The following ANKS1B variants were observed in gnomAD, a reference collection of about 807,000 sequenced individuals.
The protein encoded by ANKS1B is ankyrin repeat and sterile alpha motif domain-containing protein 1B.
Under a neutral mutation model 148.3 loss-of-function variants are expected in ANKS1B, and 36 were observed. That is an observed-to-expected ratio of 0.24 (90% confidence interval 0.19 to 0.32). ANKS1B has a LOEUF of 0.32. Ranked by LOEUF, ANKS1B falls within the 10% of genes least tolerant of loss-of-function variation. The pLI is 1.00. For missense variants in ANKS1B, 1,157 were observed against 1,542.6 expected (o/e 0.75, Z 4.19); for synonymous variants, 542 against 560.8 (o/e 0.97, Z 0.47).
intron 12 of ANKS1B, among the ~76,000 whole-genome samples, chr12:99,251,138 G>T (rs1456980546): frequency 1.3e-5 from 2 of 152,090 alleles, no homozygotes; most frequent in Non-Finnish European, 2.9e-5. Flanking sequence ...TCACTTTGGG[G>T]GCTGGGATTT....
intron 1 of ANKS1B, among the ~76,000 whole-genome samples, chr12:99,830,669 A>C (rs907754687): frequency 6.6e-6 from 1 of 151,956 alleles, no homozygotes; most frequent in East Asian, 1.9e-4. Flanking sequence ...AACATCATTC[A>C]ATAAATAGTC....
chr12:99,160,513 T>A (rs1411232672), intron 14 of ANKS1B, among the ~76,000 whole-genome samples: 1 of 151,220 alleles, frequency 6.6e-6, no homozygotes, highest in Non-Finnish European at 1.5e-5. Context: ...TATTTTTTTT[T>A]TTTTTTTTGT....
intron 12 of ANKS1B, among the ~76,000 whole-genome samples, chr12:99,322,877 T>C (rs765232621): frequency 1.3e-5 from 2 of 152,182 alleles, no homozygotes; most frequent in Admixed American, 6.5e-5. Context: ...CAAGATATGA[T>C]GGTTTTATAA....
chr12:98,752,450 G>A lies in ANKS1B; in HGVS notation c.3580-928C>T, dbSNP rs2098119239. On this transcript the variant is annotated intron_variant, in intron 25 of 26. Coordinates refer to ENST00000683438, the MANE Select transcript of ANKS1B (RefSeq NM_001352186.2). ...ATTTTTGTATTTTTAGTAGAGACGG[G>A]GTTTCACTATGTTGGCCAGGCTGGT... is the stretch of plus-strand genomic sequence containing the variant. Among the ~76,000 whole-genome samples, 3 of 152,096 alleles carry A rather than the reference G, an allele frequency of 2.0e-5. No homozygotes were observed. In the South Asian group the frequency reaches 6.2e-4, roughly 32 times the overall value.
intron 12 of ANKS1B, among the ~76,000 whole-genome samples, chr12:99,324,380 A>G (rs1447587959): frequency 6.6e-6 from 1 of 152,144 alleles, no homozygotes; most frequent in Admixed American, 6.6e-5. Flanking sequence ...CAGGACTCAA[A>G]CTCAGGCAGT....
intron 14 of ANKS1B, among the ~76,000 whole-genome samples, chr12:99,200,951 T>C (rs1403477360): frequency 1.3e-5 from 2 of 152,158 alleles, no homozygotes; most frequent in Non-Finnish European, 2.9e-5. Flanking sequence ...ACTGCCTCTC[T>C]ATGGAGTGCC....
intron 10 of ANKS1B, among the ~76,000 whole-genome samples, chr12:99,498,943 CA>C (rs111870643): frequency 3.9e-5 from 6 of 152,248 alleles, no homozygotes; most frequent in African/African-American, 1.2e-4. Context: ...GTATGAGTCA[CA>C]AGGGACTAGT....
chr12:99,496,480 G>A (rs1037578649), intron 10 of ANKS1B, among the ~76,000 whole-genome samples: 2 of 152,138 alleles, frequency 1.3e-5, no homozygotes, highest in Non-Finnish European at 2.9e-5. Flanking sequence ...AATAGTGGTC[G>A]CATAAACATG....
At chr12:98,761,767 A>G (rs2098410527) in intron 25 of ANKS1B, among the ~76,000 whole-genome samples, 1 of 152,204 alleles carries the variant, frequency 6.6e-6, no homozygotes, top group Non-Finnish European at 1.5e-5. Context: ...CTGACAAGGT[A>G]TGTCAGGCAT....
At chr12:99,452,673 T>C (rs1175880319) in intron 10 of ANKS1B, among the ~76,000 whole-genome samples, 1 of 152,226 alleles carries the variant, frequency 6.6e-6, no homozygotes, top group Non-Finnish European at 1.5e-5. Context: ...GTACTCACTA[T>C]GTACCACTTG....
chr12:99,275,464 T>C (rs530516679), intron 12 of ANKS1B, among the ~76,000 whole-genome samples: 10 of 152,354 alleles, frequency 6.6e-5, no homozygotes, highest in African/African-American at 2.2e-4. Flanking sequence ...ATGCCTGTCT[T>C]ATTTCACTTA....
chr12:99,911,403 G>A (rs903860841), intron 1 of ANKS1B, among the ~76,000 whole-genome samples: 2 of 152,096 alleles, frequency 1.3e-5, no homozygotes. Context: ...AATTTTTCAA[G>A]GTCCTATCAG....
chr12:99,442,946 C>T lies in ANKS1B; in HGVS notation c.1575+727G>A, dbSNP rs533362081. On this transcript the variant is annotated intron_variant, in intron 11 of 26. Coordinates refer to ENST00000683438, the MANE Select transcript of ANKS1B (RefSeq NM_001352186.2). ...GCCAGGTTGAGAACACCACCAATTTCGTGTTCTGGGTCCATCTGTTGGCAA... is the reference window on the plus strand; with the variant it reads ...GCCAGGTTGAGAACACCACCAATTTTGTGTTCTGGGTCCATCTGTTGGCAA... Among the ~76,000 whole-genome samples the T allele has an allele frequency of 2.1e-3, 314 of 151,968 alleles. 2 individuals carry two copies. The highest frequency in any genetic ancestry group is 3.4e-3 in the Middle Eastern group (1 of 294).
At chr12:99,086,000 T>C (rs955544430) in intron 15 of ANKS1B, among the ~76,000 whole-genome samples, 1 of 152,154 alleles carries the variant, frequency 6.6e-6, no homozygotes, top group Admixed American at 6.6e-5. Flanking sequence ...ATGTGTACTC[T>C]TGAACATAAA....
intron 14 of ANKS1B, among the ~76,000 whole-genome samples, chr12:99,162,915 G>A (rs1269398134): frequency 3.9e-5 from 6 of 151,924 alleles, no homozygotes; most frequent in African/African-American, 4.8e-5. Context: ...AAAATTAGCC[G>A]GACATGGTGG....
intron 17 of ANKS1B, among the ~76,000 whole-genome samples, chr12:98,978,137 G>C (rs1162566627): frequency 6.6e-6 from 1 of 151,636 alleles, no homozygotes; most frequent in East Asian, 1.9e-4. Flanking sequence ...TCTAATCTTT[G>C]TCTTTTAAAT....
chr12:99,266,131 T>C (rs911985354), intron 12 of ANKS1B, among the ~76,000 whole-genome samples: 3 of 152,224 alleles, frequency 2.0e-5, no homozygotes, highest in African/African-American at 7.2e-5. Flanking sequence ...CCTTACCTTA[T>C]ATGAAATATT....
At chr12:98,781,076 C>A in intron 24 of ANKS1B, 41 bp downstream of exon 24, 1 of 1,254,740 alleles carries the variant, frequency 8.0e-7, no homozygotes, top group South Asian at 1.3e-5. Context: ...ACACTCAGGA[C>A]TGCATCTGGT....
intron 11 of ANKS1B, among the ~76,000 whole-genome samples, chr12:99,442,414 C>T (rs182903622): frequency 1.3e-5 from 2 of 151,934 alleles, no homozygotes; most frequent in Non-Finnish European, 1.5e-5. Context: ...TGCCCCTGAA[C>T]CTGCATATTC....
Sources: gnomAD v4.1 joint callset for allele counts (sites outside exome capture counted in the v4.1 genomes callset) on GRCh38, gnomAD v4.1.1 for gene constraint, MANE v1.5 for transcripts, NCBI Gene and HGNC (gene_info 2026-07-23, HGNC 2026-07-21) for gene names.